Variants in MIA2 observed in about 807,000 individuals in gnomAD.
MIA2 encodes the protein MIA SH3 domain ER export factor 2, also known as melanoma inhibitory activity protein 2.
Under a neutral mutation model 167.8 loss-of-function variants are expected in MIA2, and 127 were observed. The observed-to-expected ratio is 0.76, with a 90% CI of 0.66 to 0.88. The LOEUF (loss-of-function observed/expected upper bound fraction) is 0.88, where lower values mean the gene tolerates loss of function less well. Ranked by LOEUF, MIA2 falls within the 40% of genes least tolerant of loss-of-function variation. The pLI, the probability that MIA2 is intolerant of heterozygous loss-of-function variation, is 0.00. For missense variants in MIA2, 1,690 were observed against 1,624.7 expected (o/e 1.04, Z -0.69); for synonymous variants, 552 against 541.9 (o/e 1.02, Z -0.26).
At chr14:39,333,899 A>C (rs928031748) in intron 25 of MIA2, among the ~76,000 whole-genome samples, 3 of 152,186 alleles carry the variant, frequency 2.0e-5, no homozygotes, top group African/African-American at 7.2e-5. Context: ...TCTACAGAGT[A>C]TCTCCAAATA....
intron 6 of MIA2, among the ~76,000 whole-genome samples, chr14:39,267,826 A>G (rs1051924332): frequency 9.2e-5 from 14 of 152,206 alleles, no homozygotes; most frequent in African/African-American, 2.7e-4. Flanking sequence ...CCTTTCCGCT[A>G]TGTTGTTTAT....
intron 21 of MIA2, among the ~76,000 whole-genome samples, chr14:39,317,266 G>A (rs1365004989): frequency 6.6e-6 from 1 of 152,162 alleles, no homozygotes; most frequent in Non-Finnish European, 1.5e-5. Context: ...GGGAATGAAA[G>A]TGACACTGAG....
At chr14:39,311,774 G>A (rs113674461) in intron 18 of MIA2, among the ~76,000 whole-genome samples, 2,784 of 150,780 alleles carry the variant, frequency 0.018, 93 homozygotes, top group African/African-American at 0.064. Context: ...ATAGGCATGA[G>A]CCACTGTGCC....
intron 7 of MIA2, among the ~76,000 whole-genome samples, chr14:39,277,592 T>G (rs2152738594): frequency 6.8e-6 from 1 of 146,648 alleles, no homozygotes; most frequent in East Asian, 2.1e-4. Flanking sequence ...CAAGTGATCC[T>G]CCTGCCTCGG....
intron 24 of MIA2, among the ~76,000 whole-genome samples, chr14:39,321,691 T>A (rs2066467321): frequency 6.6e-6 from 1 of 152,104 alleles, no homozygotes. Flanking sequence ...TAAAATTTTG[T>A]AAGACTGCAT....
At chr14:39,251,248 G>A (rs182929032) in intron 4 of MIA2, among the ~76,000 whole-genome samples, 14 of 151,914 alleles carry the variant, frequency 9.2e-5, no homozygotes, top group African/African-American at 2.4e-5. Context: ...ACTAGGGAAC[G>A]GTTATTTATA....
At chr14:39,260,395 C>A (rs1160006759) in intron 6 of MIA2, among the ~76,000 whole-genome samples, 1 of 152,200 alleles carries the variant, frequency 6.6e-6, no homozygotes, top group African/African-American at 2.4e-5. Flanking sequence ...TAATGATCAC[C>A]ATTTCAACTG....
chr14:39,334,787 C>T (rs548646836), intron 25 of MIA2, among the ~76,000 whole-genome samples: 66 of 152,180 alleles, frequency 4.3e-4, no homozygotes, highest in Non-Finnish European at 8.1e-4. Flanking sequence ...AGGCTTGTCT[C>T]GAACTCCTGA....
At chr14:39,268,588 G>A (rs894991911) in intron 6 of MIA2, among the ~76,000 whole-genome samples, 1 of 152,162 alleles carries the variant, frequency 6.6e-6, no homozygotes, top group African/African-American at 2.4e-5. Flanking sequence ...GATGCTTGCC[G>A]GAGATGTAAG....
chr14:39,275,639 A>G (rs2057891295), intron 6 of MIA2, among the ~76,000 whole-genome samples: 1 of 152,246 alleles, frequency 6.6e-6, no homozygotes, highest in Admixed American at 6.5e-5. Flanking sequence ...TATGTGTTGA[A>G]TACATTAGCT....
intron 17 of MIA2, 26 bp downstream of exon 17, chr14:39,304,407 A>T: frequency 7.9e-7 from 1 of 1,269,484 alleles, no homozygotes; most frequent in Middle Eastern, 1.9e-4. Flanking sequence ...ACATACTTTT[A>T]ATGTTTTTCT....
rs1566747853 is a variant in MIA2 at position 39,288,460 on chromosome 14, TA to T, written c.2131-2558del. Among the ~76,000 whole-genome samples, 105 of 15,950 alleles carry T rather than the reference TA, an allele frequency of 6.6e-3. 10 individuals are homozygous for T. Among genetic ancestry groups the T allele is most frequent in the East Asian group, 0.018 (14 of 760 alleles). 10.5% of individuals were successfully genotyped at this position (15,950 alleles called of 152,430 possible). On this transcript the variant is annotated intron_variant, in intron 9 of 28. Transcript: ENST00000640607. ...ATATATATATATATATATATATATA[TA>T]TATATATATATATATTTTTTTTTTT... is the stretch of plus-strand genomic sequence containing the variant.
At chr14:39,312,539 C>G (rs1052950456) in intron 18 of MIA2, among the ~76,000 whole-genome samples, 4 of 152,118 alleles carry the variant, frequency 2.6e-5, no homozygotes, top group African/African-American at 9.7e-5. Flanking sequence ...AATGTGTTTT[C>G]CTGTGGTGTT....
At position 39,288,968 on chromosome 14, in the gene MIA2, A is replaced by G. The variant is rs113116177; in HGVS notation, c.2131-2051A>G. On this transcript the variant is annotated intron_variant, in intron 9 of 28. Transcript: ENST00000640607. The stretch of plus-strand genomic sequence containing the variant: ...GGTTTCTTGGTCTGGCTTAGGTATC[A>G]AGGTGATGCTGGACTCATAAAATGT... Among the ~76,000 whole-genome samples the G allele has an allele frequency of 7.2e-5, 11 of 152,248 alleles. No individual in the cohort carries two copies. The South Asian group carries it at 2.3e-3, about 32-fold the overall frequency.
intron 23 of MIA2, among the ~76,000 whole-genome samples, chr14:39,369,884 C>T (rs533619911): frequency 4.3e-4 from 65 of 152,210 alleles, no homozygotes; most frequent in Non-Finnish European, 7.4e-4. Context: ...AAACAACACC[C>T]CGTTTATTAG....
intron 9 of MIA2, among the ~76,000 whole-genome samples, chr14:39,282,667 G>A (rs189416312): frequency 4.6e-5 from 7 of 152,214 alleles, no homozygotes; most frequent in Admixed American, 4.6e-4. Flanking sequence ...TCTATCTCCT[G>A]GGCTCAAGTA....
Position 39,327,022 on chromosome 14 carries a change from G to C in MIA2, c.3655G>C (p.Gly1219Arg), listed in dbSNP as rs2067702101. ...QDRRMMFPPP[G>R]QSYPDSALPP... ...CCGTAGGATGATGTTTCCTCCGCCA[G>C]GTATGTAAAGACAATAGTTATTATT... Residue 1219 changes from glycine to arginine, a missense_variant and splice_region_variant, in exon 25 of 29, where the codon GGA (glycine) becomes CGA (arginine). Physicochemically the swap from Gly to Arg is moderately radical, Grantham distance 125. Transcript: ENST00000640607. 6.6e-7 allele frequency: 1 copy of C among 1,511,924 alleles called. No individual in the cohort carries two copies. The highest frequency in any genetic ancestry group is 2.5e-5 in the East Asian group (1 of 39,718). The allele number at this position is 1,511,924 out of a possible 1,614,324, so 93.7% of individuals were successfully genotyped here.
chr14:39,301,368 G>A (rs1178464070), intron 14 of MIA2, among the ~76,000 whole-genome samples: 1 of 152,076 alleles, frequency 6.6e-6, no homozygotes, highest in African/African-American at 2.4e-5. Flanking sequence ...TCTGGCTGTG[G>A]CATATTGTTT....
intron 23 of MIA2, among the ~76,000 whole-genome samples, chr14:39,357,400 G>T (rs1047490768): frequency 6.6e-6 from 1 of 151,954 alleles, no homozygotes; most frequent in Non-Finnish European, 1.5e-5. Flanking sequence ...TTTTCCATTT[G>T]CTTGGTATAT....
Sources: allele counts gnomAD v4.1 joint callset (sites outside exome capture counted in the v4.1 genomes callset), GRCh38; gene constraint gnomAD v4.1.1; transcripts MANE v1.5; gene names NCBI Gene and HGNC (gene_info 2026-07-23, HGNC 2026-07-21).